The following TAF3 variants were observed in gnomAD, a reference collection of about 807,000 sequenced individuals.
The protein encoded by TAF3 is TATA-box binding protein associated factor 3.
A neutral mutation model predicts 80.6 loss-of-function variants in TAF3; 7 were observed. The observed-to-expected ratio is 0.09, with a 90% CI of 0.05 to 0.16. The LOEUF (loss-of-function observed/expected upper bound fraction) is 0.16. Ranked by LOEUF, TAF3 falls within the 10% of genes least tolerant of loss-of-function variation. The pLI is 1.00. For missense variants in TAF3, 921 were observed against 1,140.2 expected (o/e 0.81, Z 2.77); for synonymous variants, 444 against 446.1 (o/e 1.00, Z 0.06).
At position 8,014,982 on chromosome 10, in the gene TAF3, G is replaced by A; in HGVS notation, c.*231G>A. 2.5e-6 allele frequency: 1 copy of A among 399,012 alleles called. No homozygotes were observed. Among genetic ancestry groups the A allele is most frequent in the Non-Finnish European group, 4.6e-6 (1 of 217,464 alleles). The allele number at this position is 399,012 out of a possible 1,614,324, so 24.7% of individuals were successfully genotyped here. Reference sequence around the variant, plus strand: ...AGAAGGAAACTCAAGCAGAGGCGTGGCCTGGGGGCTGCCCCTCCTCCACTT... The same window carrying A: ...AGAAGGAAACTCAAGCAGAGGCGTGACCTGGGGGCTGCCCCTCCTCCACTT... On this transcript the variant is annotated 3_prime_UTR_variant, in exon 7 of 7. Coordinates refer to ENST00000344293, the MANE Select transcript of TAF3 (RefSeq NM_031923.4).
At chr10:7,934,508 G>A (rs550563357) in intron 2 of TAF3, among the ~76,000 whole-genome samples, 10 of 152,152 alleles carry the variant, frequency 6.6e-5, no homozygotes, top group African/African-American at 1.7e-4. Flanking sequence ...GCAGTGGCAC[G>A]ATCTCAGCTC....
chr10:7,901,697 G>A (rs920714211), intron 2 of TAF3, among the ~76,000 whole-genome samples: 5 of 152,044 alleles, frequency 3.3e-5, no homozygotes, highest in African/African-American at 1.2e-4. Flanking sequence ...AAATGTGTTG[G>A]GAATACCCAG....
At chr10:7,914,030 A>G (rs1469506954) in intron 2 of TAF3, among the ~76,000 whole-genome samples, 1 of 152,172 alleles carries the variant, frequency 6.6e-6, no homozygotes, top group Non-Finnish European at 1.5e-5. Context: ...GACATCAACC[A>G]ATTGCAATGT....
At chr10:7,840,842 T>C (rs1564344978) in intron 2 of TAF3, among the ~76,000 whole-genome samples, 1 of 152,138 alleles carries the variant, frequency 6.6e-6, no homozygotes, top group Non-Finnish European at 1.5e-5. Context: ...TCATGTTTTC[T>C]TTTCTTTCTT....
chr10:7,967,265 C>T (rs920327269), intron 3 of TAF3, among the ~76,000 whole-genome samples: 1 of 152,192 alleles, frequency 6.6e-6, no homozygotes, highest in African/African-American at 2.4e-5. Flanking sequence ...GGCAGCTGAG[C>T]CCTCAGTAAA....
At chr10:7,998,946 A>G (rs1290428371) in intron 4 of TAF3, among the ~76,000 whole-genome samples, 1 of 152,226 alleles carries the variant, frequency 6.6e-6, no homozygotes, top group Non-Finnish European at 1.5e-5. Flanking sequence ...GTATAGCTGA[A>G]AACAATGTAA....
chr10:7,865,797 C>G (rs1263482119), intron 2 of TAF3, among the ~76,000 whole-genome samples: 2 of 152,254 alleles, frequency 1.3e-5, no homozygotes, highest in Admixed American at 6.5e-5. Flanking sequence ...AGGATAGACA[C>G]TGACAAGGAC....
At chr10:7,876,701 A>C (rs1038639050) in intron 2 of TAF3, among the ~76,000 whole-genome samples, 2 of 152,208 alleles carry the variant, frequency 1.3e-5, no homozygotes, top group African/African-American at 4.8e-5. Flanking sequence ...AAGTCAGGAA[A>C]GTTCTTTGAC....
Position 7,875,948 on chromosome 10 carries a change from A to C in TAF3, c.409+51388A>C, listed in dbSNP as rs545932092. On this transcript the variant is annotated intron_variant, in intron 2 of 6. Transcript: ENST00000344293. ...AATAATTGAACTCCAAACAAGTGAT[A>C]GTAATCTTATATTACTATTAAACTT... Among the ~76,000 whole-genome samples the C allele has an allele frequency of 2.8e-3, 422 of 152,092 alleles. 1 individual carries two copies. The highest frequency in any genetic ancestry group is 9.3e-3 in the African/African-American group (387 of 41,558).
At chr10:7,913,069 T>A (rs1311166116) in intron 2 of TAF3, among the ~76,000 whole-genome samples, 1 of 151,888 alleles carries the variant, frequency 6.6e-6, no homozygotes, top group African/African-American at 2.4e-5. Context: ...CACGCAAGGG[T>A]CTTTGTGGGC....
chr10:7,878,657 T>G (rs182779221), intron 2 of TAF3, among the ~76,000 whole-genome samples: 70 of 152,254 alleles, frequency 4.6e-4, no homozygotes, highest in Admixed American at 1.4e-3. Flanking sequence ...TATAGGAAAT[T>G]CCCTCTCTAG....
chr10:7,829,163 A>T (rs1459276944), intron 2 of TAF3, among the ~76,000 whole-genome samples: 2 of 151,838 alleles, frequency 1.3e-5, no homozygotes, highest in Non-Finnish European at 1.5e-5. Context: ...TCTATTTTTT[A>T]AAATTTAAAA....
At chr10:7,922,743 A>T (rs547966366) in intron 2 of TAF3, among the ~76,000 whole-genome samples, 16 of 152,184 alleles carry the variant, frequency 1.1e-4, no homozygotes, top group African/African-American at 3.6e-4. Context: ...TACATACTGG[A>T]ACGTATAAAA....
At chr10:7,895,906 C>T (rs1287828913) in intron 2 of TAF3, among the ~76,000 whole-genome samples, 2 of 152,210 alleles carry the variant, frequency 1.3e-5, no homozygotes, top group East Asian at 3.8e-4. Context: ...TATCACGTGA[C>T]AGGAATCAAG....
chr10:8,010,524 G>T, intron 5 of TAF3, among the ~76,000 whole-genome samples: 1 of 152,242 alleles, frequency 6.6e-6, no homozygotes, highest in East Asian at 1.9e-4. Flanking sequence ...TATTTTATTG[G>T]CTATGATCCA....
intron 4 of TAF3, among the ~76,000 whole-genome samples, chr10:7,983,707 C>T (rs1024260326): frequency 2.6e-5 from 4 of 152,202 alleles, no homozygotes; most frequent in Admixed American, 1.3e-4. Flanking sequence ...GACGTAGTGG[C>T]GTGCACCTAT....
At chr10:7,868,140 G>A (rs1564352085) in intron 2 of TAF3, among the ~76,000 whole-genome samples, 1 of 152,148 alleles carries the variant, frequency 6.6e-6, no homozygotes, top group Non-Finnish European at 1.5e-5. Context: ...GGGGGCATGT[G>A]TAGTTCAAAG....
rs374964094 is a variant in TAF3, at chr10:7,977,258, C to T, written c.2250C>T (p.Val750=). 8.7e-5 allele frequency: 141 copies of T among 1,614,168 alleles called. 2 individuals carry two copies. In the East Asian group the frequency reaches 2.0e-3, roughly 23 times the overall value. The change falls in exon 4 of 7, where the codon GTC becomes GTT. Residue 750 remains valine, a synonymous_variant. Coordinates refer to ENST00000344293, the MANE Select transcript of TAF3 (RefSeq NM_031923.4). ...TTCCACAGATAAAAGTGGAACCAGTCGCTCTGGCCCCGAGTCCAGTTATCC... is the reference window on the plus strand; with the variant it reads ...TTCCACAGATAAAAGTGGAACCAGTTGCTCTGGCCCCGAGTCCAGTTATCC... ...HKHEKIKVEP[V]ALAPSPVIPR...
intron 2 of TAF3, among the ~76,000 whole-genome samples, chr10:7,853,702 A>T (rs1174610805): frequency 6.6e-6 from 1 of 152,230 alleles, no homozygotes; most frequent in Non-Finnish European, 1.5e-5. Flanking sequence ...ATTGGAACAC[A>T]TCTCTTTCCA....
Sources: allele counts gnomAD v4.1 joint callset (sites outside exome capture counted in the v4.1 genomes callset), GRCh38; gene constraint gnomAD v4.1.1; transcripts MANE v1.5; gene names NCBI Gene and HGNC (gene_info 2026-07-23, HGNC 2026-07-21).